Variants in PHF20 observed in about 807,000 individuals in gnomAD.
PHF20 encodes glioma-expressed antigen 2.
Under a neutral mutation model 113.5 loss-of-function variants are expected in PHF20, and 23 were observed. That is an observed-to-expected ratio of 0.20 (90% CI 0.15 to 0.29). The LOEUF is 0.29. Ranked by LOEUF, PHF20 falls within the 10% of genes least tolerant of loss-of-function variation. The probability of loss-of-function intolerance (pLI) is 1.00; values close to 1 mark genes in which losing one functional copy is unlikely to be tolerated. For missense variants in PHF20, 943 were observed against 1,219.6 expected (o/e 0.77, Z 3.38); for synonymous variants, 434 against 457.3 (o/e 0.95, Z 0.65).
In PHF20 at chr20:35,913,711, T is replaced by G. The variant is rs540599218; in HGVS notation, c.1661-322T>G. ...TGAGCCCTCTTGAGAAAGGATTCCC[T>G]TCTTAAAAACTGTGTCTAGCCCTCA... On this transcript the variant is annotated intron_variant, in intron 11 of 17. Coordinates refer to ENST00000374012, the MANE Select transcript of PHF20 (RefSeq NM_016436.5). Among the ~76,000 whole-genome samples, 4 of 152,356 alleles carry G rather than the reference T, an allele frequency of 2.6e-5. No homozygotes were observed. In the East Asian group the frequency reaches 7.7e-4, roughly 29 times the overall value.
chr20:35,807,283 T>C (rs576717133), intron 2 of PHF20, among the ~76,000 whole-genome samples: 3 of 152,218 alleles, frequency 2.0e-5, no homozygotes, highest in African/African-American at 7.2e-5. Context: ...TCCATAAAGA[T>C]TTTGCATGTT....
intron 1 of PHF20, among the ~76,000 whole-genome samples, chr20:35,773,143 C>A (rs531154879): frequency 1.3e-5 from 2 of 152,260 alleles, no homozygotes; most frequent in East Asian, 3.9e-4. Context: ...TTCTTGTGCC[C>A]CCCAAATGTA....
intron 9 of PHF20, among the ~76,000 whole-genome samples, chr20:35,884,456 C>T (rs6119671): frequency 0.011 from 1,707 of 152,214 alleles, 22 homozygotes; most frequent in African/African-American, 0.038. Context: ...AATGAGTGCT[C>T]AGTGATTTCT....
chr20:35,832,579 G>T (rs2042373343), intron 2 of PHF20, among the ~76,000 whole-genome samples: 1 of 152,188 alleles, frequency 6.6e-6, no homozygotes, highest in African/African-American at 2.4e-5. Flanking sequence ...AGATTCTGAG[G>T]CTATGGGAGG....
chr20:35,842,829 C>A, intron 3 of PHF20, 85 bp downstream of exon 3: 1 of 1,177,280 alleles, frequency 8.5e-7, no homozygotes, highest in Non-Finnish European at 1.2e-6. Flanking sequence ...TTAGTAGCAG[C>A]TGGAGACCAG....
chr20:35,916,762 C>T (rs2147089548), intron 12 of PHF20, among the ~76,000 whole-genome samples: 1 of 150,254 alleles, frequency 6.7e-6, no homozygotes, highest in East Asian at 2.0e-4. Flanking sequence ...GCCACTGTGC[C>T]CAGCCTGTTT....
At chr20:35,867,661 G>A (rs6121072) in intron 6 of PHF20, among the ~76,000 whole-genome samples, 1 of 152,144 alleles carries the variant, frequency 6.6e-6, no homozygotes, top group Non-Finnish European at 1.5e-5. Flanking sequence ...CACAGGAAGA[G>A]CCTCAGAGTT....
intron 13 of PHF20, among the ~76,000 whole-genome samples, chr20:35,926,407 T>G (rs1157861238): frequency 6.6e-6 from 1 of 151,518 alleles, no homozygotes; most frequent in Admixed American, 6.6e-5. Flanking sequence ...CCGGCTAATT[T>G]TTTTTGTATT....
At chr20:35,874,431 T>G (rs1373910540) in intron 9 of PHF20, among the ~76,000 whole-genome samples, 1 of 152,222 alleles carries the variant, frequency 6.6e-6, no homozygotes, top group Non-Finnish European at 1.5e-5. Context: ...AAGAATTTCC[T>G]TCAGATTTTC....
At chr20:35,903,915 C>G (rs2055150637) in intron 10 of PHF20, among the ~76,000 whole-genome samples, 1 of 152,192 alleles carries the variant, frequency 6.6e-6, no homozygotes, top group Non-Finnish European at 1.5e-5. Context: ...AGGCATCACC[C>G]CTTACCTTTC....
At chr20:35,810,614 G>A (rs1569130983) in intron 2 of PHF20, among the ~76,000 whole-genome samples, 1 of 152,092 alleles carries the variant, frequency 6.6e-6, no homozygotes, top group African/African-American at 2.4e-5. Flanking sequence ...TTTGCCCAAG[G>A]TCACACAGTG....
chr20:35,919,173 CG>C (rs1351547631), intron 13 of PHF20, among the ~76,000 whole-genome samples: 3 of 151,568 alleles, frequency 2.0e-5, no homozygotes, highest in Non-Finnish European at 4.4e-5. Flanking sequence ...TGTGCTACCA[CG>C]CCCGGCTAAT....
chr20:35,810,482 A>G (rs2041957764), intron 2 of PHF20, among the ~76,000 whole-genome samples: 1 of 152,096 alleles, frequency 6.6e-6, no homozygotes, highest in Non-Finnish European at 1.5e-5. Context: ...CTGAACCCAT[A>G]AAAGCCCTGC....
intron 2 of PHF20, among the ~76,000 whole-genome samples, chr20:35,817,097 T>G (rs2042089639): frequency 6.7e-6 from 1 of 149,680 alleles, no homozygotes; most frequent in Non-Finnish European, 1.5e-5. Flanking sequence ...GCCATAAGTG[T>G]TGTTGTTGTT....
At chr20:35,856,409 G>T (rs1433992371) in intron 4 of PHF20, 1 of 152,236 alleles carries the variant, frequency 6.6e-6, no homozygotes, top group African/African-American at 2.4e-5. Context: ...CCTGTTCCCA[G>T]TTGCTGTTTC....
intron 9 of PHF20, among the ~76,000 whole-genome samples, chr20:35,897,963 C>T (rs1397038883): frequency 6.6e-6 from 1 of 151,936 alleles, no homozygotes; most frequent in African/African-American, 2.4e-5. Flanking sequence ...GCAACCTCCG[C>T]CTCCCAGGTT....
At chr20:35,804,170 G>T (rs1484522304) in intron 2 of PHF20, among the ~76,000 whole-genome samples, 2 of 150,766 alleles carry the variant, frequency 1.3e-5, no homozygotes, top group Non-Finnish European at 2.9e-5. Flanking sequence ...CGCCTCCTGG[G>T]TTCAAGCAGT....
chr20:35,897,299 A>C (rs749607907), intron 9 of PHF20, among the ~76,000 whole-genome samples: 1 of 151,688 alleles, frequency 6.6e-6, no homozygotes, highest in Non-Finnish European at 1.5e-5. Flanking sequence ...CCTTGGCCTC[A>C]TTTATTATTA....
chr20:35,927,513 A>G (rs1012050706), intron 13 of PHF20, among the ~76,000 whole-genome samples: 7 of 152,224 alleles, frequency 4.6e-5, no homozygotes, highest in African/African-American at 1.7e-4. Context: ...CTCAGCTTTA[A>G]GATGTCACTC....
Sources: gnomAD v4.1 joint callset for allele counts (sites outside exome capture counted in the v4.1 genomes callset) on GRCh38, gnomAD v4.1.1 for gene constraint, MANE v1.5 for transcripts, NCBI Gene and HGNC (gene_info 2026-07-23, HGNC 2026-07-21) for gene names.